Variants in WWOX observed in about 807,000 individuals in gnomAD.
The protein encoded by WWOX is WW domain containing oxidoreductase.
WWOX carries 69 observed loss-of-function variants against 46.2 expected under a neutral mutation model. The ratio of observed to expected loss-of-function variants is 1.49; its 90% CI spans 1.23 to 1.82. The LOEUF (loss-of-function observed/expected upper bound fraction) is 1.82. WWOX is among the 40% of genes most tolerant of loss of function. WWOX has a pLI of 0.00. For missense variants in WWOX, 919 were observed against 542.6 expected (o/e 1.69, Z -6.89); for synonymous variants, 359 against 202.6 (o/e 1.77, Z -6.56).
chr16:78,936,682 C>G (rs892681388), intron 8 of WWOX, among the ~76,000 whole-genome samples: 4 of 151,916 alleles, frequency 2.6e-5, no homozygotes, highest in African/African-American at 7.3e-5. Flanking sequence ...GCAACGTACC[C>G]TAGGTAAGGA....
intron 8 of WWOX, among the ~76,000 whole-genome samples, chr16:78,840,490 A>G (rs1043509532): frequency 1.3e-5 from 2 of 152,172 alleles, no homozygotes; most frequent in Non-Finnish European, 2.9e-5. Flanking sequence ...CTACTTAGGG[A>G]GGCTAATTAT....
chr16:78,233,940 C>A (rs934599184), intron 5 of WWOX, among the ~76,000 whole-genome samples: 1 of 152,096 alleles, frequency 6.6e-6, no homozygotes, highest in African/African-American at 2.4e-5. Context: ...AAAATGTATC[C>A]CCTGTGTTTG....
intron 8 of WWOX, among the ~76,000 whole-genome samples, chr16:78,455,892 A>G (rs1436847274): frequency 6.6e-6 from 1 of 151,998 alleles, no homozygotes; most frequent in Non-Finnish European, 1.5e-5. Flanking sequence ...TTATTTTTAC[A>G]TTATTTTAAC....
chr16:78,681,489 C>T (rs948559550), intron 8 of WWOX, among the ~76,000 whole-genome samples: 2 of 150,608 alleles, frequency 1.3e-5, no homozygotes, highest in Admixed American at 6.6e-5. Flanking sequence ...AATCAGAGCC[C>T]TTTTAATTAT....
rs201008667 is a variant in WWOX at position 78,109,819 on chromosome 16, C to T, written c.214C>T (p.Gln72Ter). The T allele has an allele frequency of 6.1e-5, 98 of 1,614,100 alleles. No homozygotes were observed. Among genetic ancestry groups the T allele is most frequent in the Non-Finnish European group, 8.0e-5 (94 of 1,180,010 alleles). ...GWEQETDENG[Q>*]VFFVDHINKR... ...GGAACAAGAAACTGATGAGAACGGA[C>T]AAGTGTTTTTTGTTGAGTAAGTGTC... The change falls in exon 3 of 9, where the codon CAA (glutamine) becomes TAA (stop). Residue 72 changes from glutamine to a stop codon, truncating the protein, a stop_gained. Transcript: ENST00000566780. LOFTEE classifies it high-confidence loss of function.
chr16:79,010,445 G>T (rs746347529), intron 8 of WWOX, among the ~76,000 whole-genome samples: 1 of 152,118 alleles, frequency 6.6e-6, no homozygotes, highest in Non-Finnish European at 1.5e-5. Flanking sequence ...CTGCCACTGG[G>T]CAGGGCATCC....
intron 6 of WWOX, among the ~76,000 whole-genome samples, chr16:78,419,003 T>G (rs1383970533): frequency 6.6e-6 from 1 of 151,954 alleles, no homozygotes; most frequent in African/African-American, 2.4e-5. Flanking sequence ...TGAAAAGAAG[T>G]AAAACTATCT....
At chr16:78,985,730 C>G (rs1597239872) in intron 8 of WWOX, among the ~76,000 whole-genome samples, 2 of 152,222 alleles carry the variant, frequency 1.3e-5, no homozygotes, top group East Asian at 3.9e-4. Context: ...GGTCGTGCCA[C>G]TGCACTCCAG....
intron 3 of WWOX, among the ~76,000 whole-genome samples, chr16:78,110,197 G>T (rs2032408610): frequency 6.6e-6 from 1 of 151,868 alleles, no homozygotes. Context: ...AAAATGAGCT[G>T]GGTGTGGTGG....
intron 5 of WWOX, among the ~76,000 whole-genome samples, chr16:78,202,214 T>C (rs2036253168): frequency 6.6e-6 from 1 of 152,198 alleles, no homozygotes; most frequent in African/African-American, 2.4e-5. Flanking sequence ...TGTCCCATCT[T>C]CCTTTCTAGG....
chr16:78,515,539 G>T (rs28690066), intron 8 of WWOX, among the ~76,000 whole-genome samples: 1 of 152,156 alleles, frequency 6.6e-6, no homozygotes, highest in Non-Finnish European at 1.5e-5. Flanking sequence ...CTTGCATGTT[G>T]TCTATGAACG....
At chr16:78,380,889 G>A (rs2081940865) in intron 5 of WWOX, among the ~76,000 whole-genome samples, 1 of 152,104 alleles carries the variant, frequency 6.6e-6, no homozygotes, top group Non-Finnish European at 1.5e-5. Flanking sequence ...TTTAGCAGTG[G>A]CCTTCAAAAT....
intron 8 of WWOX, among the ~76,000 whole-genome samples, chr16:78,894,805 C>T (rs1193620196): frequency 6.6e-6 from 1 of 152,052 alleles, no homozygotes; most frequent in South Asian, 2.1e-4. Flanking sequence ...ACCTTGAGAC[C>T]CCAAGACCGG....
intron 4 of WWOX, among the ~76,000 whole-genome samples, chr16:78,137,427 G>A (rs921307376): frequency 6.6e-6 from 1 of 152,138 alleles, no homozygotes; most frequent in South Asian, 2.1e-4. Flanking sequence ...ACAGAGTTGT[G>A]AGAATTCGAC....
At chr16:78,807,723 T>C (rs1401857583) in intron 8 of WWOX, among the ~76,000 whole-genome samples, 3 of 152,214 alleles carry the variant, frequency 2.0e-5, no homozygotes, top group Non-Finnish European at 2.9e-5. Flanking sequence ...TGTTACATAA[T>C]TGGGGCTTCT....
chr16:78,845,684 C>G (rs1305868174), intron 8 of WWOX, among the ~76,000 whole-genome samples: 1 of 152,152 alleles, frequency 6.6e-6, no homozygotes, highest in South Asian at 2.1e-4. Flanking sequence ...GACAAGGTAA[C>G]TAATATTTCC....
rs573776933 is a variant in WWOX, at chr16:78,156,177, G to T, written c.410-8006G>T. ...AACTACAGTCAGGAATTCTCTAAAG[G>T]AGAGAGGGTGGAAGCTTGAGCCTGT... On this transcript the variant is annotated intron_variant, in intron 4 of 8. Coordinates refer to ENST00000566780, the MANE Select transcript of WWOX (RefSeq NM_016373.4). Among the ~76,000 whole-genome samples the T allele has an allele frequency of 5.9e-5, 9 of 152,342 alleles. No homozygotes were observed. In the South Asian group the frequency reaches 1.7e-3, roughly 28 times the overall value.
chr16:79,128,325 T>C (rs1234542361), intron 8 of WWOX, among the ~76,000 whole-genome samples: 1 of 123,242 alleles, frequency 8.1e-6, no homozygotes, highest in Non-Finnish European at 1.7e-5. Flanking sequence ...CAACGTCCCC[T>C]AATAGCTAAG....
intron 8 of WWOX, among the ~76,000 whole-genome samples, chr16:78,450,282 G>C (rs1424700257): frequency 6.6e-6 from 1 of 152,016 alleles, no homozygotes; most frequent in African/African-American, 2.4e-5. Flanking sequence ...GGGATCTCTT[G>C]AATCATTTAC....
Sources: gnomAD v4.1 joint callset for allele counts (sites outside exome capture counted in the v4.1 genomes callset) on GRCh38, gnomAD v4.1.1 for gene constraint, MANE v1.5 for transcripts, NCBI Gene and HGNC (gene_info 2026-07-23, HGNC 2026-07-21) for gene names.